The following LAMC3 variants were observed in gnomAD, a reference collection of about 807,000 sequenced individuals.
LAMC3 encodes laminin subunit gamma-3.
A neutral mutation model predicts 173.8 loss-of-function variants in LAMC3; 128 were observed. The ratio of observed to expected loss-of-function variants is 0.74; its 90% CI spans 0.64 to 0.85. The LOEUF is 0.85. LAMC3 is among the 40% of genes least tolerant of loss of function. The pLI is 0.00. For missense variants in LAMC3, 2,022 were observed against 2,156.0 expected, an observed-to-expected ratio of 0.94 and a Z score of 1.23; for synonymous variants, 897 against 909.1, an observed-to-expected ratio of 0.99 and a Z score of 0.24.
At chr9:131,010,731 C>T (rs183978458) in intron 1 of LAMC3, among the ~76,000 whole-genome samples, 13 of 152,366 alleles carry the variant, frequency 8.5e-5, no homozygotes, top group African/African-American at 3.1e-4. Context: ...GGCAGCTGCG[C>T]CCGGTGGCAT....
intron 1 of LAMC3, among the ~76,000 whole-genome samples, chr9:131,014,918 G>A (rs1171767381): frequency 1.3e-5 from 2 of 152,194 alleles, no homozygotes; most frequent in Admixed American, 1.3e-4. Flanking sequence ...GGGAGTTCGA[G>A]GCTGTAGTGA....
chr9:131,056,888 C>A, intron 11 of LAMC3, 41 bp from the exon 12 acceptor site: 1 of 1,523,954 alleles, frequency 6.6e-7, no homozygotes. Context: ...GTGCAGGGAG[C>A]TTGTGCCTCC....
At chr9:131,068,802 T>A in intron 15 of LAMC3, 106 bp from the exon 16 acceptor site, 1 of 1,251,570 alleles carries the variant, frequency 8.0e-7, no homozygotes. Context: ...TGGGGTCTTG[T>A]CAGCAGAGGG....
intron 8 of LAMC3, among the ~76,000 whole-genome samples, chr9:131,047,165 CTTTTTTT>C (rs398012456): frequency 2.0e-5 from 2 of 102,164 alleles, no homozygotes; most frequent in African/African-American, 3.8e-5. Context: ...CTGAATTCCT[CTTTTTTT>C]TTTTTTTTTT....
Position 131,038,897 on chromosome 9 carries a change from C to A in LAMC3, c.1010C>A (p.Thr337Lys). The change falls in exon 5 of 28, where the codon ACG (threonine) becomes AAG (lysine). Residue 337 changes from threonine (T) to lysine (K), a missense_variant. Physicochemically the swap from Thr to Lys is moderately conservative, Grantham distance 78. Coordinates refer to ENST00000361069, the MANE Select transcript of LAMC3 (RefSeq NM_006059.4). ...CNCSGRSEEC[T>K]FDRELFRSTG... is the part of the protein sequence containing the mutation. The stretch of plus-strand genomic sequence containing the variant: ...TGCAGTGGCCGCTCCGAGGAATGCA[C>A]GTTTGATCGGGAGCTCTTCCGCAGC... 6.2e-7 allele frequency: 1 copy of A among 1,613,352 alleles called. No individual in the cohort carries two copies. The highest frequency in any genetic ancestry group is 1.1e-5 in the South Asian group (1 of 91,078).
chr9:131,022,411 C>T (rs1047657170), intron 1 of LAMC3, among the ~76,000 whole-genome samples: 5 of 151,950 alleles, frequency 3.3e-5, no homozygotes, highest in Non-Finnish European at 7.4e-5. Context: ...CATAACACCA[C>T]AATAACATAC....
intron 27 of LAMC3, 149 bp from the exon 28 acceptor site, chr9:131,091,388 A>G (rs1260718258): frequency 9.2e-7 from 1 of 1,090,724 alleles, no homozygotes; most frequent in African/African-American, 1.6e-5. Context: ...CCCACCTCCC[A>G]GCCCTTCTGC....
Position 131,072,755 on chromosome 9 carries a change from A to G in LAMC3, c.3337A>G (p.Thr1113Ala), listed in dbSNP as rs773604823. ...CAQAGSQKTC[T>A]QLADLEAVLE... ...CCAGGCCGGATCCCAGAAGACCTGCACCCAGCTGGCAGACCTGGAGGCAGT... is the reference window on the plus strand; with the variant it reads ...CCAGGCCGGATCCCAGAAGACCTGCGCCCAGCTGGCAGACCTGGAGGCAGT... Residue 1113 changes from threonine to alanine, a missense_variant, in exon 19 of 28, where the codon ACC becomes GCC. Thr to Ala is a moderately conservative substitution (Grantham distance 58). Transcript: ENST00000361069. 2 of 1,613,262 alleles carry G rather than the reference A, an allele frequency of 1.2e-6. No individual in the cohort carries two copies. The highest frequency in any genetic ancestry group is 2.2e-5 in the South Asian group (2 of 90,808).
rs1337550381 is a variant in LAMC3, at chr9:131,067,214, CT to C, written c.2593+10del. ...CGCAGACAAATGCATGCGTGAGTAC[CT>C]ACCTCCAGACCCCAGGGTGGCACAT... is the stretch of plus-strand genomic sequence containing the variant. On this transcript the variant is annotated intron_variant, in intron 14 of 27. Transcript: ENST00000361069. The C allele has an allele frequency of 6.2e-7, 1 of 1,612,798 alleles. No homozygotes were observed. The highest frequency in any genetic ancestry group is 2.2e-5 in the East Asian group (1 of 44,820).
chr9:131,036,467 T>A, intron 4 of LAMC3, 135 bp downstream of exon 4: 1 of 967,062 alleles, frequency 1.0e-6, no homozygotes, highest in Non-Finnish European at 1.6e-6. Context: ...TCTGTGCTGC[T>A]GCAGAGATAA....
chr9:131,066,571 G>A (rs1829936908), intron 13 of LAMC3, among the ~76,000 whole-genome samples: 1 of 152,102 alleles, frequency 6.6e-6, no homozygotes, highest in Non-Finnish European at 1.5e-5. Flanking sequence ...GGGGATAGTG[G>A]TGATGGTGAA....
At chr9:131,086,116 T>C (rs920474680) in intron 25 of LAMC3, among the ~76,000 whole-genome samples, 2 of 152,238 alleles carry the variant, frequency 1.3e-5, no homozygotes, top group Non-Finnish European at 2.9e-5. Context: ...TCTTACTCTG[T>C]GGCCCAGGCT....
At position 131,023,488 on chromosome 9, in the gene LAMC3, T is replaced by C. The variant is rs145592593; in HGVS notation, c.374-2797T>C. Among the ~76,000 whole-genome samples the C allele has an allele frequency of 4.6e-4, 70 of 152,360 alleles. No homozygotes were observed. In the Middle Eastern group the frequency reaches 0.01, roughly 22 times the overall value. On this transcript the variant is annotated intron_variant, in intron 1 of 27. Transcript: ENST00000361069. ...CCCAGCCTTGAGGGTGTGAAGGAAA[T>C]CTCATTCTGGTTTTATCTTGCATTT...
chr9:131,051,522 C>A (rs566722217), intron 9 of LAMC3, among the ~76,000 whole-genome samples: 2 of 152,116 alleles, frequency 1.3e-5, no homozygotes, highest in Admixed American at 1.3e-4. Flanking sequence ...CACCACCATG[C>A]CCGGCTAATT....
chr9:131,045,407 G>A, intron 7 of LAMC3, 117 bp from the exon 8 acceptor site: 1 of 1,190,974 alleles, frequency 8.4e-7, no homozygotes, highest in Non-Finnish European at 1.2e-6. Context: ...AAAAAAAATT[G>A]TTTTTAAGTT....
chr9:131,052,416 G>A (rs1024945374), intron 9 of LAMC3, 75 bp from the exon 10 acceptor site: 46 of 1,327,102 alleles, frequency 3.5e-5, no homozygotes, highest in African/African-American at 1.9e-4. Context: ...TTTAGTTGCC[G>A]ATAAAATCAA....
rs56320740 is a variant in LAMC3 at position 131,077,676 on chromosome 9, CAAAAAAAAAAAAAAAAAA to C, written c.3777+362_3777+379del. 4.1e-3 allele frequency among the ~76,000 whole-genome samples: 114 copies of C among 27,720 alleles called. 1 individual carries two copies. Among genetic ancestry groups the C allele is most frequent in the African/African-American group, 0.013 (98 of 7,604 alleles). 18.2% of individuals were successfully genotyped at this position (27,720 alleles called of 152,430 possible). A position where few individuals can be genotyped will look rare whatever the true frequency, so the allele number is the denominator to read the frequency against. ...TGGGCGACAGAGCAAGACTCCATCT[CAAAAAAAAAAAAAAAAAA>C]AAAAAAAAAAAAAAAAAAACTATTA... On this transcript the variant is annotated intron_variant, in intron 22 of 27. Coordinates refer to ENST00000361069, the MANE Select transcript of LAMC3 (RefSeq NM_006059.4).
At chr9:131,030,702 G>A (rs1167045126) in intron 2 of LAMC3, among the ~76,000 whole-genome samples, 1 of 152,248 alleles carries the variant, frequency 6.6e-6, no homozygotes, top group Non-Finnish European at 1.5e-5. Flanking sequence ...TCCTGGCTCT[G>A]GTATCCAGTT....
intron 1 of LAMC3, among the ~76,000 whole-genome samples, chr9:131,015,880 A>G (rs1435308727): frequency 6.6e-6 from 1 of 151,762 alleles, no homozygotes; most frequent in East Asian, 1.9e-4. Flanking sequence ...CTGGTCTCGA[A>G]CTCCTGACCT....
Sources: gnomAD v4.1 joint callset for allele counts (sites outside exome capture counted in the v4.1 genomes callset) on GRCh38, gnomAD v4.1.1 for gene constraint, MANE v1.5 for transcripts, NCBI Gene and HGNC (gene_info 2026-07-23, HGNC 2026-07-21) for gene names.